Variants in NRXN1 observed in about 807,000 individuals in gnomAD.
NRXN1 encodes the protein neurexin-1.
A neutral mutation model predicts 150.9 loss-of-function variants in NRXN1; 39 were observed. The ratio of observed to expected loss-of-function variants is 0.26; its 90% CI spans 0.20 to 0.34. The LOEUF (loss-of-function observed/expected upper bound fraction) is 0.34, where lower values mean the gene tolerates loss of function less well. Ranked by LOEUF, NRXN1 falls within the 10% of genes least tolerant of loss-of-function variation. The pLI is 1.00. For missense variants in NRXN1, 1,815 were observed against 1,949.9 expected, an observed-to-expected ratio of 0.93 and a Z score of 1.30; for synonymous variants, 924 against 757.0, an observed-to-expected ratio of 1.22 and a Z score of -3.62.
At chr2:50,893,238 C>A (rs1372003425) in intron 5 of NRXN1, among the ~76,000 whole-genome samples, 1 of 152,124 alleles carries the variant, frequency 6.6e-6, no homozygotes, top group Non-Finnish European at 1.5e-5. Context: ...GATGTACATG[C>A]AAATATCTAT....
chr2:50,453,829 C>T (rs969262322), intron 17 of NRXN1, among the ~76,000 whole-genome samples: 149 of 152,202 alleles, frequency 9.8e-4, no homozygotes, highest in Middle Eastern at 3.4e-3. Context: ...TTATTATCTC[C>T]AGAGAGCTTA....
At chr2:50,746,309 A>G (rs1700023434) in intron 5 of NRXN1, among the ~76,000 whole-genome samples, 1 of 152,002 alleles carries the variant, frequency 6.6e-6, no homozygotes, top group South Asian at 2.1e-4. Flanking sequence ...TGTAATCCTA[A>G]AACTTTGGGA....
At chr2:50,226,962 T>C (rs2064441926) in intron 18 of NRXN1, among the ~76,000 whole-genome samples, 1 of 152,010 alleles carries the variant, frequency 6.6e-6, no homozygotes. Flanking sequence ...TGCTAAATTC[T>C]AGGCTCATGC....
chr2:50,931,816 G>T (rs1196498582), intron 2 of NRXN1, among the ~76,000 whole-genome samples: 1 of 151,856 alleles, frequency 6.6e-6, no homozygotes, highest in Non-Finnish European at 1.5e-5. Context: ...AAATAAATTA[G>T]ATCATACATT....
At chr2:50,789,329 G>A (rs1408862959) in intron 5 of NRXN1, among the ~76,000 whole-genome samples, 3 of 152,142 alleles carry the variant, frequency 2.0e-5, no homozygotes, top group South Asian at 4.1e-4. Flanking sequence ...GAAATGATAC[G>A]GCTTAACATA....
chr2:50,937,879 G>A (rs1688780393), intron 2 of NRXN1, among the ~76,000 whole-genome samples: 1 of 152,060 alleles, frequency 6.6e-6, no homozygotes, highest in Non-Finnish European at 1.5e-5. Context: ...TCATCCTTGT[G>A]CAAGCATAAT....
At chr2:50,149,587 G>A (rs947778872) in intron 18 of NRXN1, among the ~76,000 whole-genome samples, 3 of 151,618 alleles carry the variant, frequency 2.0e-5, no homozygotes, top group Non-Finnish European at 3.0e-5. Flanking sequence ...ATAGCACCTT[G>A]TATATACCTC....
intron 5 of NRXN1, among the ~76,000 whole-genome samples, chr2:50,793,867 C>A (rs886941696): frequency 6.6e-6 from 1 of 151,998 alleles, no homozygotes; most frequent in Admixed American, 6.6e-5. Flanking sequence ...TTTTTTTAAT[C>A]AGCAAAATTT....
intron 5 of NRXN1, among the ~76,000 whole-genome samples, chr2:50,734,684 C>T (rs1698499254): frequency 6.6e-6 from 1 of 151,550 alleles, no homozygotes; most frequent in African/African-American, 2.4e-5. Flanking sequence ...GGCAGTGTAC[C>T]TATGTACCTT....
Position 50,347,418 on chromosome 2 carries a change from G to A in NRXN1, c.3365-110448C>T. 1 of 1,154,766 alleles carries A rather than the reference G, an allele frequency of 8.7e-7. No homozygotes were observed. Among genetic ancestry groups the A allele is most frequent in the Non-Finnish European group, 1.1e-6 (1 of 924,062 alleles). 71.5% of individuals were successfully genotyped at this position (1,154,766 alleles called of 1,614,324 possible). On this transcript the variant is annotated intron_variant, in intron 17 of 22. Transcript: ENST00000401669. This position sits in a 1 kb window ranked among gnomAD's most constrained non-coding sequence, Gnocchi z 4.9. ...TAAATCCATTTAGCTTTGTGTGCGG[G>A]GACTAGGGAGGCCACTTCGCCGGCC...
chr2:50,233,382 G>A (rs1005894470), intron 18 of NRXN1, among the ~76,000 whole-genome samples: 40 of 152,058 alleles, frequency 2.6e-4, no homozygotes, highest in Admixed American at 1.8e-3. Flanking sequence ...GTTTTTAAGA[G>A]TACAGTTAAT....
At chr2:51,025,871 A>C (rs1041284167) in intron 2 of NRXN1, among the ~76,000 whole-genome samples, 2 of 152,224 alleles carry the variant, frequency 1.3e-5, no homozygotes, top group African/African-American at 4.8e-5. Flanking sequence ...TGGAATACAC[A>C]GTTTTCTATA....
intron 21 of NRXN1, among the ~76,000 whole-genome samples, chr2:50,015,824 C>T (rs922559474): frequency 9.9e-5 from 15 of 152,028 alleles, no homozygotes; most frequent in African/African-American, 3.6e-4. Context: ...CCAGAAAGTT[C>T]TACCTGTGAA....
chr2:50,045,964 T>C (rs1691736363), intron 21 of NRXN1, among the ~76,000 whole-genome samples: 1 of 152,152 alleles, frequency 6.6e-6, no homozygotes, highest in African/African-American at 2.4e-5. Flanking sequence ...GTTGAAAAAT[T>C]AGTATATAAT....
At chr2:49,967,305 TTAAAA>T (rs1031348734) in intron 21 of NRXN1, among the ~76,000 whole-genome samples, 2 of 152,106 alleles carry the variant, frequency 1.3e-5, no homozygotes, top group Non-Finnish European at 2.9e-5. Context: ...TTATTCTGAA[TTAAAA>T]TATTTATTTT....
At chr2:50,557,918 G>A (rs1477526936) in intron 8 of NRXN1, among the ~76,000 whole-genome samples, 4 of 152,106 alleles carry the variant, frequency 2.6e-5, no homozygotes, top group African/African-American at 4.8e-5. Flanking sequence ...TGATATTTAC[G>A]TTGCAGTTGG....
intron 9 of NRXN1, among the ~76,000 whole-genome samples, chr2:50,541,020 C>T (rs1423507213): frequency 1.3e-5 from 2 of 151,902 alleles, no homozygotes; most frequent in South Asian, 4.2e-4. Context: ...CCAATTAGTT[C>T]AATAAGGCCT....
intron 5 of NRXN1, among the ~76,000 whole-genome samples, chr2:50,792,500 T>A (rs1168653391): frequency 1.3e-5 from 2 of 152,054 alleles, no homozygotes; most frequent in Non-Finnish European, 2.9e-5. Context: ...CATTCTTCAG[T>A]TATTTGCTAA....
chr2:50,117,735 C>T (rs1703257038), intron 18 of NRXN1, among the ~76,000 whole-genome samples: 1 of 151,398 alleles, frequency 6.6e-6, no homozygotes, highest in Non-Finnish European at 1.5e-5. Context: ...GTACTTCTCA[C>T]CGATTCAGTG....
Sources: gnomAD v4.1 joint callset for allele counts (sites outside exome capture counted in the v4.1 genomes callset) on GRCh38, gnomAD v4.1.1 for gene constraint, Gnocchi (gnomAD v3.1) non-coding constraint, MANE v1.5 for transcripts, NCBI Gene and HGNC (gene_info 2026-07-23, HGNC 2026-07-21) for gene names.